SSX2IP: variants seen among roughly 807,000 people sequenced by gnomAD.
SSX2IP encodes the protein SSX family member 2 interacting protein.
A neutral mutation model predicts 84.9 loss-of-function variants in SSX2IP; 55 were observed. That is an observed-to-expected ratio of 0.65 (90% CI 0.52 to 0.81). SSX2IP has a LOEUF of 0.81. Among genes scored for constraint, SSX2IP ranks in the 30% least tolerant of loss-of-function variants. SSX2IP has a pLI of 0.00. For missense variants in SSX2IP, 664 were observed against 705.2 expected, an observed-to-expected ratio of 0.94 and a Z score of 0.66; for synonymous variants, 239 against 234.7, an observed-to-expected ratio of 1.02 and a Z score of -0.17.
chr1:84,654,187 A>T (rs1222877934), intron 11 of SSX2IP, among the ~76,000 whole-genome samples: 3 of 152,210 alleles, frequency 2.0e-5, no homozygotes, highest in Admixed American at 6.5e-5. Flanking sequence ...AAAGAAATAC[A>T]GAATCTTTAG....
At chr1:84,683,576 A>C (rs1396769281) in intron 1 of SSX2IP, among the ~76,000 whole-genome samples, 1 of 152,172 alleles carries the variant, frequency 6.6e-6, no homozygotes, top group Non-Finnish European at 1.5e-5. Context: ...CTGAGTTCTC[A>C]TTTGGCAGGC....
At chr1:84,683,615 C>T (rs1006030965) in intron 1 of SSX2IP, among the ~76,000 whole-genome samples, 2 of 152,148 alleles carry the variant, frequency 1.3e-5, no homozygotes, top group Non-Finnish European at 2.9e-5. Flanking sequence ...TACCCCACTT[C>T]GGTAACAGGC....
intron 10 of SSX2IP, 33 bp from the exon 11 acceptor site, chr1:84,656,038 G>A (rs1651047704): frequency 6.3e-7 from 1 of 1,579,376 alleles, no homozygotes; most frequent in Non-Finnish European, 8.6e-7. Context: ...AAGTTCCTGA[G>A]GGACCTTGCG....
intron 12 of SSX2IP, among the ~76,000 whole-genome samples, chr1:84,650,923 T>C (rs1217037833): frequency 6.6e-6 from 1 of 152,094 alleles, no homozygotes; most frequent in Non-Finnish European, 1.5e-5. Context: ...GCCAGGATGG[T>C]CTCGATCTCC....
chr1:84,666,012 T>C (rs1199786678), intron 5 of SSX2IP, 110 bp downstream of exon 5: 1 of 788,600 alleles, frequency 1.3e-6, no homozygotes, highest in Non-Finnish European at 2.0e-6. Context: ...TGGGGAAAGA[T>C]GAATAAATGG....
chr1:84,658,162 T>G, intron 9 of SSX2IP, 156 bp downstream of exon 9: 3 of 739,554 alleles, frequency 4.1e-6, no homozygotes, highest in Non-Finnish European at 6.3e-6. Flanking sequence ...TAAAATAAAA[T>G]GAAAAAATAA....
At chr1:84,679,324 T>TG (rs1654772752) in intron 1 of SSX2IP, among the ~76,000 whole-genome samples, 1 of 152,194 alleles carries the variant, frequency 6.6e-6, no homozygotes, top group South Asian at 2.1e-4. Context: ...CAGAAACACA[T>TG]TAAGTCCAAC....
intron 1 of SSX2IP, among the ~76,000 whole-genome samples, chr1:84,688,785 TAA>T (rs1316605366): frequency 6.6e-6 from 1 of 152,216 alleles, no homozygotes; most frequent in Non-Finnish European, 1.5e-5. Flanking sequence ...CTAGAATAAC[TAA>T]GTCTTCACAG....
intron 1 of SSX2IP, among the ~76,000 whole-genome samples, chr1:84,677,294 G>A (rs1029030256): frequency 5.3e-5 from 8 of 152,168 alleles, no homozygotes; most frequent in South Asian, 2.1e-4. Context: ...CTTCTCTATC[G>A]TAAATATCAA....
chr1:84,662,952 G>A (rs1242555105), intron 6 of SSX2IP, among the ~76,000 whole-genome samples: 1 of 152,100 alleles, frequency 6.6e-6, no homozygotes, highest in African/African-American at 2.4e-5. Flanking sequence ...AAAGCTTTAT[G>A]GGAACACAGC....
chr1:84,668,228 A>G (rs2911569), intron 4 of SSX2IP, among the ~76,000 whole-genome samples: 12,119 of 152,170 alleles, frequency 0.08, 722 homozygotes, highest in African/African-American at 0.17. Context: ...GATCACCAAC[A>G]TATCATAATG....
chr1:84,658,428 C>T lies in SSX2IP; in HGVS notation c.968G>A (p.Arg323Lys), dbSNP rs763398857. Residue 323 changes from arginine to lysine, a missense_variant, in exon 9 of 14, where the codon AGA (arginine) becomes AAA (lysine). Coordinates refer to ENST00000342203, the MANE Select transcript of SSX2IP (RefSeq NM_001166293.2). Reference sequence around the variant, plus strand: ...ACAGGAAAGGTCCCACATACTCTCTCTGCTTAGTTCCCCGGCATCTTCTTC... The same window carrying T: ...ACAGGAAAGGTCCCACATACTCTCTTTGCTTAGTTCCCCGGCATCTTCTTC... ...DVEEDAGELSRESMWDLSCET... is the reference protein window; with the variant it reads ...DVEEDAGELSKESMWDLSCET... The T allele has an allele frequency of 5.0e-6, 8 of 1,614,102 alleles. No homozygotes were observed. In the South Asian group the frequency reaches 8.8e-5, roughly 18 times the overall value.
intron 4 of SSX2IP, 43 bp downstream of exon 4, chr1:84,669,634 CTCAA>C (rs761160105): frequency 1.8e-5 from 26 of 1,445,226 alleles, no homozygotes; most frequent in Middle Eastern, 1.8e-4. Flanking sequence ...ATTTATAGTA[CTCAA>C]TTATATAATT....
chr1:84,658,602 A>G (rs1299675138), intron 8 of SSX2IP, 134 bp from the exon 9 acceptor site: 6 of 982,872 alleles, frequency 6.1e-6, no homozygotes, highest in African/African-American at 3.3e-5. Flanking sequence ...TTATGCATAT[A>G]TGGCCCAGTA....
At chr1:84,652,196 G>T in intron 11 of SSX2IP, 199 bp from the exon 12 acceptor site, 1 of 494,366 alleles carries the variant, frequency 2.0e-6, no homozygotes, top group Non-Finnish European at 3.7e-6. Context: ...CTGAGGGTTG[G>T]TGGAGCACTT....
intron 1 of SSX2IP, among the ~76,000 whole-genome samples, chr1:84,685,193 C>T (rs1323569549): frequency 6.6e-6 from 1 of 152,224 alleles, no homozygotes; most frequent in Non-Finnish European, 1.5e-5. Context: ...GCTGTGGAGG[C>T]ACCAAGAGCC....
At chr1:84,680,978 T>C (rs1251781623) in intron 1 of SSX2IP, among the ~76,000 whole-genome samples, 1 of 152,130 alleles carries the variant, frequency 6.6e-6, no homozygotes, top group African/African-American at 2.4e-5. Flanking sequence ...AAACCAATGG[T>C]AGAATGGCAT....
At chr1:84,659,313 G>A (rs879934552) in intron 8 of SSX2IP, among the ~76,000 whole-genome samples, 4 of 152,150 alleles carry the variant, frequency 2.6e-5, no homozygotes, top group Non-Finnish European at 5.9e-5. Flanking sequence ...ATCAGTAGTT[G>A]AGGTCAGCAA....
chr1:84,690,666 C>T (rs1309542581), upstream of SSX2IP: 2 of 152,240 alleles, frequency 1.3e-5, no homozygotes, highest in African/African-American at 2.4e-5. Flanking sequence ...CGGTAGTCTC[C>T]TCCTTACCTC....
Sources: gnomAD v4.1 joint callset for allele counts (sites outside exome capture counted in the v4.1 genomes callset) on GRCh38, gnomAD v4.1.1 for gene constraint, MANE v1.5 for transcripts, NCBI Gene and HGNC (gene_info 2026-07-23, HGNC 2026-07-21) for gene names.